The following CNTNAP2 variants were observed in gnomAD, a reference collection of about 807,000 sequenced individuals.
The protein encoded by CNTNAP2 is contactin-associated protein-like 2.
A neutral mutation model predicts 155.2 loss-of-function variants in CNTNAP2; 98 were observed. The ratio of observed to expected loss-of-function variants is 0.63; its 90% confidence interval spans 0.54 to 0.75. The LOEUF is 0.75. Ranked by LOEUF, CNTNAP2 falls within the 30% of genes least tolerant of loss-of-function variation. The probability of loss-of-function intolerance (pLI) is 0.00; values close to 1 mark genes in which losing one functional copy is unlikely to be tolerated. For synonymous variants in CNTNAP2, 651 were observed against 631.2 expected, an observed-to-expected ratio of 1.03 and a Z score of -0.47; for missense variants, 1,727 against 1,688.1, an observed-to-expected ratio of 1.02 and a Z score of -0.40.
At chr7:146,717,720 G>A (rs1241398968) in intron 1 of CNTNAP2, among the ~76,000 whole-genome samples, 3 of 151,884 alleles carry the variant, frequency 2.0e-5, no homozygotes, top group African/African-American at 7.3e-5. Context: ...TGATGATGAT[G>A]GCAAGACTGG....
chr7:146,780,604 G>T (rs962336121), intron 2 of CNTNAP2, among the ~76,000 whole-genome samples: 13 of 151,926 alleles, frequency 8.6e-5, no homozygotes, highest in African/African-American at 3.1e-4. Context: ...TAACATGTTT[G>T]TTGGCCGCAA....
chr7:147,071,600 A>G (rs1243460086), intron 4 of CNTNAP2, among the ~76,000 whole-genome samples: 4 of 152,226 alleles, frequency 2.6e-5, no homozygotes, highest in African/African-American at 4.8e-5. Flanking sequence ...TAGGGTCATC[A>G]TTCACTTAAC....
intron 1 of CNTNAP2, among the ~76,000 whole-genome samples, chr7:146,732,634 G>A (rs1211040988): frequency 6.6e-6 from 1 of 151,946 alleles, no homozygotes; most frequent in African/African-American, 2.4e-5. Flanking sequence ...CACTGATTTG[G>A]CCATCATACC....
chr7:147,210,498 A>T (rs1277971980), intron 8 of CNTNAP2, among the ~76,000 whole-genome samples: 1 of 151,778 alleles, frequency 6.6e-6, no homozygotes, highest in Admixed American at 6.6e-5. Flanking sequence ...TTCATTTGTT[A>T]ATCTAGTTAT....
chr7:146,256,285 C>A (rs926635267), intron 1 of CNTNAP2, among the ~76,000 whole-genome samples: 1 of 152,002 alleles, frequency 6.6e-6, no homozygotes, highest in African/African-American at 2.4e-5. Flanking sequence ...TTTCTATTGT[C>A]AGTTTTGTTA....
intron 1 of CNTNAP2, among the ~76,000 whole-genome samples, chr7:146,550,420 T>G (rs866164449): frequency 5.6e-4 from 77 of 138,402 alleles, no homozygotes; most frequent in South Asian, 1.4e-3. Context: ...TTTTTTTTTT[T>G]TTTTTTTTTA....
intron 8 of CNTNAP2, among the ~76,000 whole-genome samples, chr7:147,204,717 A>C (rs1802985328): frequency 6.6e-6 from 1 of 152,164 alleles, no homozygotes; most frequent in Non-Finnish European, 1.5e-5. Flanking sequence ...GTACCACGCT[A>C]ATGTAATGAA....
chr7:146,696,335 C>T (rs1040360255), intron 1 of CNTNAP2, among the ~76,000 whole-genome samples: 17 of 152,026 alleles, frequency 1.1e-4, no homozygotes, highest in African/African-American at 4.1e-4. Flanking sequence ...AATGCTTACG[C>T]CTAATTTCTT....
intron 10 of CNTNAP2, among the ~76,000 whole-genome samples, chr7:147,484,273 C>A (rs1037471421): frequency 6.6e-6 from 1 of 152,040 alleles, no homozygotes; most frequent in African/African-American, 2.4e-5. Context: ...CAACAAGATG[C>A]TTTTGTTTAT....
intron 8 of CNTNAP2, among the ~76,000 whole-genome samples, chr7:147,191,589 C>T (rs1283937148): frequency 1.3e-5 from 2 of 152,052 alleles, no homozygotes; most frequent in Non-Finnish European, 2.9e-5. Flanking sequence ...GATTTGATAT[C>T]CTGGAGATTT....
intron 1 of CNTNAP2, among the ~76,000 whole-genome samples, chr7:146,753,642 T>A (rs1801943601): frequency 6.6e-6 from 1 of 152,078 alleles, no homozygotes; most frequent in South Asian, 2.1e-4. Flanking sequence ...TTAGAAGTTA[T>A]ATAAGTAAAA....
In CNTNAP2 at chr7:146,671,981, A is replaced by C. The variant is rs138930285; in HGVS notation, c.98-102290A>C. 4.0e-3 allele frequency among the ~76,000 whole-genome samples: 601 copies of C among 151,764 alleles called. 4 individuals are homozygous for C. The highest frequency in any genetic ancestry group is 0.014 in the African/African-American group (559 of 41,360). On this transcript the variant is annotated intron_variant, in intron 1 of 23. Coordinates refer to ENST00000361727, the MANE Select transcript of CNTNAP2 (RefSeq NM_014141.6). ...CAGGTGCCTGCCACTGCACCCAAAT[A>C]ATTTTTGTATTTTTAGTAGAGACGG...
chr7:147,919,218 T>C (rs1800214992), intron 14 of CNTNAP2, among the ~76,000 whole-genome samples: 1 of 151,970 alleles, frequency 6.6e-6, no homozygotes, highest in Non-Finnish European at 1.5e-5. Context: ...CACACCTTGA[T>C]CTTAATACAG....
chr7:146,947,551 GTGTGTGTATATATATATATATATACATA>G (rs1267220000), intron 3 of CNTNAP2, among the ~76,000 whole-genome samples: 1 of 59,036 alleles, frequency 1.7e-5, no homozygotes, highest in African/African-American at 5.5e-5. Context: ...GTATGTGTGT[GTGTGTGTATATATATATATATATACATA>G]TATATATATA....
At chr7:147,910,509 A>ACACC (rs1800042908) in intron 14 of CNTNAP2, among the ~76,000 whole-genome samples, 1 of 151,966 alleles carries the variant, frequency 6.6e-6, no homozygotes, top group Non-Finnish European at 1.5e-5. Context: ...TAGGAATTAC[A>ACACC]CACCAAGACT....
intron 14 of CNTNAP2, among the ~76,000 whole-genome samples, chr7:147,969,813 T>A (rs12532080): frequency 0.13 from 20,388 of 152,180 alleles, 2,226 homozygotes; most frequent in African/African-American, 0.31. Context: ...ATTAGATAGT[T>A]TTTGGTATTA....
chr7:148,264,644 C>T (rs948846657), intron 20 of CNTNAP2, among the ~76,000 whole-genome samples: 12 of 152,206 alleles, frequency 7.9e-5, no homozygotes, highest in Admixed American at 7.2e-4. Context: ...TTATTTGTAT[C>T]CATTTTTAAA....
chr7:146,901,849 G>T, intron 3 of CNTNAP2, among the ~76,000 whole-genome samples: 1 of 134,384 alleles, frequency 7.4e-6, no homozygotes, highest in East Asian at 2.2e-4. Context: ...GCCCTTTACA[G>T]TTTTTCTTGC....
intron 9 of CNTNAP2, among the ~76,000 whole-genome samples, chr7:147,337,311 C>CA (rs1466572964): frequency 6.6e-6 from 1 of 152,078 alleles, no homozygotes; most frequent in East Asian, 1.9e-4. Flanking sequence ...GAGGGCCCCC[C>CA]AAAGCACATA....
Sources: gnomAD v4.1 joint callset for allele counts (sites outside exome capture counted in the v4.1 genomes callset) on GRCh38, gnomAD v4.1.1 for gene constraint, MANE v1.5 for transcripts, NCBI Gene and HGNC (gene_info 2026-07-23, HGNC 2026-07-21) for gene names.